The following VPS13B variants were observed in gnomAD, a reference collection of about 807,000 sequenced individuals.
The protein encoded by VPS13B is intermembrane lipid transfer protein VPS13B.
A neutral mutation model predicts 426.4 loss-of-function variants in VPS13B; 285 were observed. That is an observed-to-expected ratio of 0.67 (90% confidence interval 0.61 to 0.74). The LOEUF (loss-of-function observed/expected upper bound fraction) is 0.74. VPS13B is among the 30% of genes least tolerant of loss of function. The probability of loss-of-function intolerance (pLI) is 0.00; values close to 1 mark genes in which losing one functional copy is unlikely to be tolerated. For missense variants in VPS13B, 4,537 were observed against 4,782.6 expected, an observed-to-expected ratio of 0.95 and a Z score of 1.51; for synonymous variants, 1,676 against 1,676.4, an observed-to-expected ratio of 1.00 and a Z score of 0.01.
intron 2 of VPS13B, among the ~76,000 whole-genome samples, chr8:99,032,242 T>C (rs1842538742): frequency 6.6e-6 from 1 of 152,196 alleles, no homozygotes. Flanking sequence ...TGTTCTCCCA[T>C]AGACACTAAA....
chr8:99,862,061 A>T, intron 58 of VPS13B, 115 bp downstream of exon 58: 1 of 1,280,600 alleles, frequency 7.8e-7, no homozygotes, highest in Non-Finnish European at 1.1e-6. Context: ...ATGCTCAGAG[A>T]AGGTAAGGCA....
At chr8:99,284,445 A>G (rs1173022089) in intron 19 of VPS13B, among the ~76,000 whole-genome samples, 1 of 152,240 alleles carries the variant, frequency 6.6e-6, no homozygotes. Context: ...GTAAGCATAT[A>G]AACAACTACA....
At chr8:99,863,049 A>C (rs545640072) in intron 58 of VPS13B, among the ~76,000 whole-genome samples, 11 of 152,280 alleles carry the variant, frequency 7.2e-5, no homozygotes, top group African/African-American at 2.4e-4. Flanking sequence ...CAGAAGCCCC[A>C]GACCTTGGGC....
At chr8:99,709,893 A>C (rs1344613004) in intron 36 of VPS13B, among the ~76,000 whole-genome samples, 3 of 152,212 alleles carry the variant, frequency 2.0e-5, no homozygotes, top group African/African-American at 7.2e-5. Context: ...ATCTGATTTT[A>C]TGTAAGTTAT....
Position 99,661,509 on chromosome 8 carries a change from T to G in VPS13B, c.6046+18T>G, listed in dbSNP as rs1009720045. On this transcript the variant is annotated intron_variant, in intron 35 of 61. Coordinates refer to ENST00000357162, the MANE Select transcript of VPS13B (RefSeq NM_152564.5). ...TGGACCAGGTAAGAAAGTCATAAAA[T>G]TTACATGTGTGTACATTTTTTATGT... 8.7e-6 allele frequency: 14 copies of G among 1,610,764 alleles called. No individual in the cohort carries two copies. In the Admixed American group the frequency reaches 1.5e-4, roughly 17 times the overall value.
At chr8:99,043,302 G>A (rs561153245) in intron 3 of VPS13B, among the ~76,000 whole-genome samples, 1 of 152,228 alleles carries the variant, frequency 6.6e-6, no homozygotes, top group Middle Eastern at 3.4e-3. Context: ...AATTTTAAGT[G>A]TGGATTATTA....
chr8:99,752,742 CAA>C, intron 39 of VPS13B, among the ~76,000 whole-genome samples: 1 of 152,274 alleles, frequency 6.6e-6, no homozygotes, highest in Admixed American at 6.5e-5. Flanking sequence ...TTCACATTAT[CAA>C]GAGTTATTAA....
chr8:99,723,990 G>A, intron 39 of VPS13B, among the ~76,000 whole-genome samples: 1 of 152,164 alleles, frequency 6.6e-6, no homozygotes, highest in East Asian at 1.9e-4. Context: ...TGAGCTCTCA[G>A]TTCAATTCTC....
At chr8:99,023,258 C>G (rs973700018) in intron 2 of VPS13B, among the ~76,000 whole-genome samples, 5 of 151,786 alleles carry the variant, frequency 3.3e-5, no homozygotes, top group African/African-American at 1.2e-4. Flanking sequence ...TTTTTCTTTA[C>G]CTTCCTAGTA....
rs76734776 is a variant in VPS13B at position 99,545,254 on chromosome 8, T to C, written c.4746-11196T>C. Among the ~76,000 whole-genome samples, 49 of 152,276 alleles carry C rather than the reference T, an allele frequency of 3.2e-4. No individual in the cohort carries two copies. The East Asian group carries it at 9.4e-3, about 29-fold the overall frequency. On this transcript the variant is annotated intron_variant, in intron 30 of 61. Coordinates refer to ENST00000357162, the MANE Select transcript of VPS13B (RefSeq NM_152564.5). Reference sequence around the variant, plus strand: ...GATTTACGTTTTTAATTTTTCTGTATCACTTGTAGTGTTAAAATGAATATT... The same window carrying C: ...GATTTACGTTTTTAATTTTTCTGTACCACTTGTAGTGTTAAAATGAATATT...
At chr8:99,723,993 C>T (rs1444730859) in intron 39 of VPS13B, among the ~76,000 whole-genome samples, 2 of 152,176 alleles carry the variant, frequency 1.3e-5, no homozygotes, top group Admixed American at 1.3e-4. Context: ...GCTCTCAGTT[C>T]AATTCTCATA....
Position 99,622,976 on chromosome 8 carries a change from A to G in VPS13B, c.5221-18835A>G, listed in dbSNP as rs553333950. 1.4e-4 allele frequency among the ~76,000 whole-genome samples: 21 copies of G among 152,312 alleles called. No homozygotes were observed. In the East Asian group the frequency reaches 3.3e-3, roughly 24 times the overall value. On this transcript the variant is annotated intron_variant, in intron 33 of 61. Transcript: ENST00000357162. ...ATAATTCATCTCCTTTTTGTACCCT[A>G]TTCTCAACACAGCAGCCAGAGTGAT...
intron 17 of VPS13B, among the ~76,000 whole-genome samples, chr8:99,206,849 A>G (rs982995630): frequency 3.9e-5 from 6 of 151,990 alleles, no homozygotes; most frequent in African/African-American, 9.7e-5. Context: ...TTCCCCCAAC[A>G]CCATCATGTC....
chr8:99,481,471 G>A (rs1820035293), intron 24 of VPS13B, 128 bp from the exon 25 acceptor site: 1 of 990,426 alleles, frequency 1.0e-6, no homozygotes, highest in Non-Finnish European at 1.6e-6. Context: ...GATCAGTGAT[G>A]CATTGGTAGA....
At chr8:99,524,021 C>T (rs1340427477) in intron 30 of VPS13B, among the ~76,000 whole-genome samples, 2 of 152,014 alleles carry the variant, frequency 1.3e-5, no homozygotes, top group Non-Finnish European at 2.9e-5. Context: ...AGAATTGTAT[C>T]AGATAAATTT....
chr8:99,073,170 C>G (rs1284113185), intron 3 of VPS13B, among the ~76,000 whole-genome samples: 1 of 152,142 alleles, frequency 6.6e-6, no homozygotes, highest in Non-Finnish European at 1.5e-5. Flanking sequence ...ACACCTGATG[C>G]TAGCACAGCA....
At chr8:99,248,951 C>T (rs1817364201) in intron 17 of VPS13B, among the ~76,000 whole-genome samples, 2 of 152,150 alleles carry the variant, frequency 1.3e-5, no homozygotes, top group Admixed American at 1.3e-4. Flanking sequence ...TTAGTGCATT[C>T]ACAATGTTGT....
At chr8:99,539,414 AT>A (rs1823437663) in intron 30 of VPS13B, among the ~76,000 whole-genome samples, 1 of 152,238 alleles carries the variant, frequency 6.6e-6, no homozygotes, top group South Asian at 2.1e-4. Flanking sequence ...CAAAATATGA[AT>A]TGCAGACAGA....
intron 23 of VPS13B, among the ~76,000 whole-genome samples, chr8:99,449,986 G>A (rs980091204): frequency 2.6e-5 from 4 of 151,992 alleles, no homozygotes; most frequent in East Asian, 3.9e-4. Flanking sequence ...TGTATTTTTA[G>A]TAGAGACGGG....
Sources: gnomAD v4.1 joint callset for allele counts (sites outside exome capture counted in the v4.1 genomes callset) on GRCh38, gnomAD v4.1.1 for gene constraint, MANE v1.5 for transcripts, NCBI Gene and HGNC (gene_info 2026-07-23, HGNC 2026-07-21) for gene names.